ROBO2: variants seen among roughly 807,000 people sequenced by gnomAD.
The protein encoded by ROBO2 is roundabout homolog 2.
In ROBO2, 53 loss-of-function variants were observed where a neutral mutation model predicts 160.8. The ratio of observed to expected loss-of-function variants is 0.33; its 90% CI spans 0.26 to 0.41. The LOEUF (loss-of-function observed/expected upper bound fraction) is 0.41, where lower values mean the gene tolerates loss of function less well. Among genes scored for constraint, ROBO2 ranks in the 10% least tolerant of loss-of-function variants. ROBO2 has a pLI of 1.00. For synonymous variants in ROBO2, 664 were observed against 611.7 expected (o/e 1.09, Z -1.26); for missense variants, 1,577 against 1,722.4 (o/e 0.92, Z 1.49).
chr3:77,483,535 A>G (rs1220747277), intron 4 of ROBO2, among the ~76,000 whole-genome samples: 1 of 151,100 alleles, frequency 6.6e-6, no homozygotes, highest in Non-Finnish European at 1.5e-5. Context: ...TTCATACTCT[A>G]CCTCCCTCAA....
chr3:76,997,429 T>A (rs2061081706), intron 2 of ROBO2, among the ~76,000 whole-genome samples: 1 of 152,176 alleles, frequency 6.6e-6, no homozygotes, highest in Admixed American at 6.6e-5. Flanking sequence ...TCTAATGTTC[T>A]TTTACATTTT....
chr3:75,934,429 A>G (rs1206108479), intron 1 of ROBO2, among the ~76,000 whole-genome samples: 1 of 152,206 alleles, frequency 6.6e-6, no homozygotes, highest in Non-Finnish European at 1.5e-5. Flanking sequence ...TTTATGGTTA[A>G]TGTTACTTTA....
In ROBO2 at chr3:76,966,432, C is replaced by T. The variant is rs573781905; in HGVS notation, c.110-131582C>T. On this transcript the variant is annotated intron_variant, in intron 2 of 26. Coordinates refer to the ROBO2 transcript ENST00000487694. ...AATACAATTTCCCAAAATCATAAGC[C>T]AGTAAATGGCAGAGCCAGAGTTTAA... is the stretch of plus-strand genomic sequence containing the variant. Among the ~76,000 whole-genome samples, 16 of 152,268 alleles carry T rather than the reference C, an allele frequency of 1.1e-4. No individual in the cohort carries two copies. In the South Asian group the frequency reaches 3.3e-3, roughly 32 times the overall value.
chr3:76,622,294 G>GAAAGAAAGAAAGAAAGAAA (rs2109295596), intron 2 of ROBO2, among the ~76,000 whole-genome samples: 1 of 111,622 alleles, frequency 9.0e-6, no homozygotes, highest in South Asian at 3.3e-4. Context: ...AAGAAAGAAA[G>GAAAGAAAGAAAGAAAGAAA]AAAGAAAGAA....
chr3:76,435,161 C>A (rs2076613819), intron 2 of ROBO2: 3 of 998,066 alleles, frequency 3.0e-6, no homozygotes, highest in South Asian at 2.5e-5. Context: ...ACATGGTGGG[C>A]ATTGTGGAGA....
intron 2 of ROBO2, among the ~76,000 whole-genome samples, chr3:76,735,845 C>T (rs1171441152): frequency 6.6e-6 from 1 of 150,968 alleles, no homozygotes; most frequent in African/African-American, 2.4e-5. Context: ...ACTATGCTCA[C>T]TGTCTTGGTT....
chr3:77,602,649 A>ACCACCG, intron 20 of ROBO2, 158 bp downstream of exon 21: 3 of 826,620 alleles, frequency 3.6e-6, no homozygotes, highest in Admixed American at 2.2e-5. Context: ...AGTAATTCCT[A>ACCACCG]CCACCACCAC....
chr3:76,800,412 C>A (rs2064109254), intron 2 of ROBO2, among the ~76,000 whole-genome samples: 3 of 152,008 alleles, frequency 2.0e-5, no homozygotes, highest in Admixed American at 6.6e-5. Flanking sequence ...AAAAAGGAAA[C>A]AATCAACAAA....
intron 2 of ROBO2, among the ~76,000 whole-genome samples, chr3:76,680,717 A>T (rs553701909): frequency 9.5e-4 from 144 of 152,198 alleles, no homozygotes; most frequent in Non-Finnish European, 1.7e-3. Flanking sequence ...TCACAAATTT[A>T]AAAAAATTAT....
intron 2 of ROBO2, among the ~76,000 whole-genome samples, chr3:76,565,425 G>A (rs979450149): frequency 6.6e-6 from 1 of 152,076 alleles, no homozygotes; most frequent in South Asian, 2.1e-4. Context: ...TTTATCCACA[G>A]GATAGTAACT....
intron 1 of ROBO2, among the ~76,000 whole-genome samples, chr3:75,936,085 C>G (rs528191122): frequency 6.6e-6 from 1 of 152,308 alleles, no homozygotes; most frequent in African/African-American, 2.4e-5. Context: ...CTTAAACTGT[C>G]ACTGTCATCA....
chr3:77,119,325 A>G (rs2074513593), intron 2 of ROBO2, among the ~76,000 whole-genome samples: 1 of 152,206 alleles, frequency 6.6e-6, no homozygotes, highest in Admixed American at 6.5e-5. Context: ...GTGCACCTAA[A>G]CATGTGTAAA....
At chr3:76,459,732 T>A (rs1201492214) in intron 2 of ROBO2, among the ~76,000 whole-genome samples, 1 of 152,170 alleles carries the variant, frequency 6.6e-6, no homozygotes, top group African/African-American at 2.4e-5. Context: ...TTATTGGAAT[T>A]CATCTTGTGG....
At chr3:76,532,801 A>T (rs1306128350) in intron 2 of ROBO2, among the ~76,000 whole-genome samples, 1 of 152,174 alleles carries the variant, frequency 6.6e-6, no homozygotes, top group Non-Finnish European at 1.5e-5. Flanking sequence ...AAGCCTGGAA[A>T]CCTGTTCTCA....
At chr3:77,265,345 GGT>G (rs2059056384) in intron 2 of ROBO2, among the ~76,000 whole-genome samples, 1 of 152,084 alleles carries the variant, frequency 6.6e-6, no homozygotes, top group Non-Finnish European at 1.5e-5. Context: ...TATTTCGTAA[GGT>G]GTAGGCCATT....
chr3:77,577,276 G>C (rs544638732), intron 14 of ROBO2, among the ~76,000 whole-genome samples: 1 of 152,166 alleles, frequency 6.6e-6, no homozygotes, highest in East Asian at 1.9e-4. Context: ...ATTATTGAGA[G>C]CATATTACAA....
At chr3:77,624,028 A>G (rs1162877006) in intron 23 of ROBO2, among the ~76,000 whole-genome samples, 1 of 152,168 alleles carries the variant, frequency 6.6e-6, no homozygotes, top group Non-Finnish European at 1.5e-5. Flanking sequence ...AGCTAGTGTA[A>G]TGTTCATTCC....
intron 2 of ROBO2, among the ~76,000 whole-genome samples, chr3:76,895,279 G>A (rs1204204234): frequency 6.6e-6 from 1 of 151,956 alleles, no homozygotes; most frequent in Non-Finnish European, 1.5e-5. Flanking sequence ...TGTGCTGACT[G>A]GTGGTACGCA....
chr3:77,285,580 T>C (rs2060530556), intron 2 of ROBO2, among the ~76,000 whole-genome samples: 1 of 152,196 alleles, frequency 6.6e-6, no homozygotes, highest in South Asian at 2.1e-4. Context: ...TCTCTTTATA[T>C]AAATCCTATG....
Sources: gnomAD v4.1 joint callset for allele counts (sites outside exome capture counted in the v4.1 genomes callset) on GRCh38, gnomAD v4.1.1 for gene constraint, MANE v1.5 for transcripts, NCBI Gene and HGNC (gene_info 2026-07-23, HGNC 2026-07-21) for gene names.